KCNJ3: variants seen among roughly 807,000 people sequenced by gnomAD.
KCNJ3 encodes G protein-activated inward rectifier potassium channel 1.
In KCNJ3, 4 loss-of-function variants were observed where a neutral mutation model predicts 39.2. The observed-to-expected ratio is 0.10, with a 90% CI of 0.05 to 0.23. The LOEUF is 0.23. Ranked by LOEUF, KCNJ3 falls within the 10% of genes least tolerant of loss-of-function variation. KCNJ3 has a pLI of 1.00. For synonymous variants in KCNJ3, 230 were observed against 237.4 expected (o/e 0.97, Z 0.29); for missense variants, 276 against 634.9 (o/e 0.43, Z 6.08).
chr2:154,804,498 G>A (rs1167597532), intron 2 of KCNJ3, among the ~76,000 whole-genome samples: 2 of 152,094 alleles, frequency 1.3e-5, no homozygotes, highest in Non-Finnish European at 1.5e-5. Flanking sequence ...TGTAATGGGA[G>A]GAAATAGTCA....
intron 2 of KCNJ3, among the ~76,000 whole-genome samples, chr2:154,739,068 A>C (rs187514167): frequency 6.6e-6 from 1 of 152,174 alleles, no homozygotes; most frequent in Non-Finnish European, 1.5e-5. Context: ...AGAAAAAATA[A>C]CTTTCAGACT....
At chr2:154,736,650 A>G in intron 2 of KCNJ3, among the ~76,000 whole-genome samples, 1 of 152,136 alleles carries the variant, frequency 6.6e-6, no homozygotes, top group Admixed American at 6.5e-5. Flanking sequence ...TCTTATCTTT[A>G]AAAGTATATA....
At chr2:154,773,266 T>C (rs1376963585) in intron 2 of KCNJ3, among the ~76,000 whole-genome samples, 1 of 152,130 alleles carries the variant, frequency 6.6e-6, no homozygotes, top group Admixed American at 6.6e-5. Flanking sequence ...CATCATATCA[T>C]AGGATTGCTT....
intron 2 of KCNJ3, among the ~76,000 whole-genome samples, chr2:154,809,645 T>C (rs1347936748): frequency 4.6e-5 from 7 of 152,126 alleles, no homozygotes; most frequent in African/African-American, 1.4e-4. Flanking sequence ...GGCAGAAAGG[T>C]CCATTGTCTG....
chr2:154,836,554 A>T (rs182140217), intron 2 of KCNJ3, among the ~76,000 whole-genome samples: 2 of 152,272 alleles, frequency 1.3e-5, no homozygotes, highest in Admixed American at 1.3e-4. Context: ...TTCCTTTATC[A>T]GACTTGTATA....
chr2:154,724,995 C>T (rs1393629690), intron 2 of KCNJ3, among the ~76,000 whole-genome samples: 1 of 147,428 alleles, frequency 6.8e-6, no homozygotes, highest in Non-Finnish European at 1.5e-5. Flanking sequence ...ATTTTAATGA[C>T]TCACCTGGGC....
chr2:154,798,310 T>C (rs1490705858), intron 2 of KCNJ3, among the ~76,000 whole-genome samples: 2 of 151,930 alleles, frequency 1.3e-5, no homozygotes, highest in African/African-American at 2.4e-5. Flanking sequence ...ATTCCTAGAC[T>C]AAACGTCCTA....
chr2:154,746,244 T>G (rs534946563), intron 2 of KCNJ3, among the ~76,000 whole-genome samples: 1 of 152,124 alleles, frequency 6.6e-6, no homozygotes, highest in African/African-American at 2.4e-5. Flanking sequence ...AATTGACTGT[T>G]AAAGTTATTG....
intron 2 of KCNJ3, among the ~76,000 whole-genome samples, chr2:154,832,183 C>T (rs1687375947): frequency 6.6e-6 from 1 of 152,030 alleles, no homozygotes; most frequent in African/African-American, 2.4e-5. Context: ...CCATCTCCAA[C>T]ATTATGGGTC....
intron 2 of KCNJ3, among the ~76,000 whole-genome samples, chr2:154,752,703 C>T (rs994621516): frequency 2.6e-5 from 4 of 151,986 alleles, no homozygotes; most frequent in Non-Finnish European, 5.9e-5. Flanking sequence ...GTTCATACTT[C>T]TCTATCCTTG....
At chr2:154,790,504 G>A (rs958355112) in intron 2 of KCNJ3, among the ~76,000 whole-genome samples, 1 of 152,008 alleles carries the variant, frequency 6.6e-6, no homozygotes, top group Non-Finnish European at 1.5e-5. Context: ...GACTAGAAGG[G>A]TATGTTGATA....
At chr2:154,727,145 T>G (rs1056033424) in intron 2 of KCNJ3, among the ~76,000 whole-genome samples, 2 of 152,110 alleles carry the variant, frequency 1.3e-5, no homozygotes, top group African/African-American at 2.4e-5. Context: ...ACACCACTGT[T>G]CAAAAACGTA....
chr2:154,775,064 A>G (rs573644806), intron 2 of KCNJ3, among the ~76,000 whole-genome samples: 1 of 152,120 alleles, frequency 6.6e-6, no homozygotes, highest in South Asian at 2.1e-4. Flanking sequence ...CCACAGGCAT[A>G]AGCCACCATG....
chr2:154,717,532 GC>G (rs1294002288), intron 2 of KCNJ3, among the ~76,000 whole-genome samples: 4 of 152,092 alleles, frequency 2.6e-5, no homozygotes, highest in African/African-American at 7.2e-5. Flanking sequence ...AATTTAAAAA[GC>G]CCTTGGTTTC....
intron 2 of KCNJ3, among the ~76,000 whole-genome samples, chr2:154,846,630 T>C (rs1394812202): frequency 2.0e-5 from 3 of 152,206 alleles, no homozygotes; most frequent in Non-Finnish European, 2.9e-5. Flanking sequence ...TTTTGCTTAA[T>C]ATTTCCCTGT....
rs1687843601 is a variant in KCNJ3, at chr2:154,856,632, A to G, written c.*1319A>G. The G allele has an allele frequency of 6.6e-6, 1 of 152,130 alleles. No homozygotes were observed. The highest frequency in any genetic ancestry group is 2.4e-5 in the African/African-American group (1 of 41,440). 9.4% of individuals were successfully genotyped at this position (152,130 alleles called of 1,614,324 possible). Reference sequence around the variant, plus strand: ...ATTAAAATTAGATGATAAATTGAAGATATCTTACACACAGTTTTTTGGTGA... The same window carrying G: ...ATTAAAATTAGATGATAAATTGAAGGTATCTTACACACAGTTTTTTGGTGA... On this transcript the variant is annotated 3_prime_UTR_variant, in exon 3 of 3. Coordinates refer to ENST00000295101, the MANE Select transcript of KCNJ3 (RefSeq NM_002239.4).
At chr2:154,825,543 T>TA (rs1687256093) in intron 2 of KCNJ3, among the ~76,000 whole-genome samples, 1 of 25,188 alleles carries the variant, frequency 4.0e-5, no homozygotes, top group African/African-American at 6.3e-5. Flanking sequence ...CTCATGAAAT[T>TA]ATTTATTTAT....
At chr2:154,853,454 T>C (rs1574487626) in intron 2 of KCNJ3, among the ~76,000 whole-genome samples, 1 of 152,112 alleles carries the variant, frequency 6.6e-6, no homozygotes, top group East Asian at 1.9e-4. Flanking sequence ...TTAAAAACAA[T>C]AGAAATTACT....
intron 2 of KCNJ3, among the ~76,000 whole-genome samples, chr2:154,827,901 G>A (rs1408685432): frequency 6.6e-6 from 1 of 151,966 alleles, no homozygotes; most frequent in Non-Finnish European, 1.5e-5. Flanking sequence ...CAATTCTAAT[G>A]ATCAAATTCT....
Sources: gnomAD v4.1 joint callset for allele counts (sites outside exome capture counted in the v4.1 genomes callset) on GRCh38, gnomAD v4.1.1 for gene constraint, MANE v1.5 for transcripts, NCBI Gene and HGNC (gene_info 2026-07-23, HGNC 2026-07-21) for gene names.